KRT82: variants seen among roughly 807,000 people sequenced by gnomAD.
KRT82 encodes keratin, type II cuticular Hb2.
A neutral mutation model predicts 48.0 loss-of-function variants in KRT82; 44 were observed. That is an observed-to-expected ratio of 0.92 (90% confidence interval 0.72 to 1.18). The LOEUF is 1.18. KRT82 is among the 50% of genes most tolerant of loss of function. The pLI, the probability that KRT82 is intolerant of heterozygous loss-of-function variation, is 0.00. For missense variants in KRT82, 701 were observed against 671.4 expected, an observed-to-expected ratio of 1.04 and a Z score of -0.49; for synonymous variants, 297 against 278.3, an observed-to-expected ratio of 1.07 and a Z score of -0.67.
rs1184115494 is a variant in KRT82 at position 52,396,920 on chromosome 12, T to A, written c.1031A>T (p.Gln344Leu). 1 of 1,614,058 alleles carries A rather than the reference T, an allele frequency of 6.2e-7. No homozygotes were observed. Among genetic ancestry groups the A allele is most frequent in the Non-Finnish European group, 8.5e-7 (1 of 1,180,036 alleles). ...NEILEMNKLIQRLQQETENVK... is the reference protein window; with the variant it reads ...NEILEMNKLILRLQQETENVK... ...ATTCTCGGTTTCTTGCTGCAGCCGC[T>A]GGATCAGTTTATTCATTTCCAGGAT... is the stretch of plus-strand genomic sequence containing the variant. The change falls in exon 6 of 9, where the codon CAG becomes CTG. Residue 344 changes from glutamine to leucine, a missense_variant. Transcript: ENST00000257974.
intron 6 of KRT82, 129 bp from the exon 7 acceptor site, chr12:52,396,361 C>A (rs926717587): frequency 1.2e-6 from 1 of 817,462 alleles, no homozygotes; most frequent in African/African-American, 1.7e-5. Flanking sequence ...CCTAGGATTG[C>A]GACATCTGGT....
At chr12:52,398,851 GCCTCAAGCTACC>G (rs1939749420) in intron 5 of KRT82, among the ~76,000 whole-genome samples, 2 of 152,010 alleles carry the variant, frequency 1.3e-5, no homozygotes, top group Admixed American at 1.3e-4. Context: ...CTGTGACCTG[GCCTCAAGCTACC>G]CCTCCAGCCC....
intron 4 of KRT82, 22 bp downstream of exon 4, chr12:52,400,505 C>T (rs1939774105): frequency 1.9e-6 from 3 of 1,587,860 alleles, no homozygotes; most frequent in South Asian, 1.1e-5. Context: ...GACTAACCAC[C>T]CAAGGTCAGG....
intron 1 of KRT82, among the ~76,000 whole-genome samples, chr12:52,404,940 A>G (rs1446153412): frequency 1.3e-5 from 2 of 152,154 alleles, no homozygotes; most frequent in Non-Finnish European, 2.9e-5. Flanking sequence ...CGGGTGTAGG[A>G]GTAGAGTCAA....
chr12:52,398,464 T>C (rs554937103), intron 5 of KRT82, among the ~76,000 whole-genome samples: 3 of 151,462 alleles, frequency 2.0e-5, no homozygotes, highest in Non-Finnish European at 4.4e-5. Context: ...TAGAAAAAAG[T>C]AAAAATTCAA....
At chr12:52,395,344 A>G (rs913422543) in intron 8 of KRT82, 149 bp from the exon 9 acceptor site, 48 of 657,870 alleles carry the variant, frequency 7.3e-5, no homozygotes, top group East Asian at 3.6e-4. Flanking sequence ...CGCGTCTCCC[A>G]CCCTAGCCAC....
chr12:52,395,893 T>C, intron 7 of KRT82, 103 bp from the exon 8 acceptor site: 3 of 1,479,350 alleles, frequency 2.0e-6, no homozygotes, highest in Non-Finnish European at 2.7e-6. Context: ...TGTGCTGCTG[T>C]GGGTTTTCAA....
chr12:52,402,911 C>A (rs78995231), intron 2 of KRT82, among the ~76,000 whole-genome samples: 4,669 of 152,310 alleles, frequency 0.031, 86 homozygotes, highest in South Asian at 0.065. Flanking sequence ...ACATGCACTC[C>A]CATAGGACAC....
chr12:52,395,867 C>A, intron 7 of KRT82, 77 bp from the exon 8 acceptor site: 1 of 1,470,984 alleles, frequency 6.8e-7, no homozygotes, highest in Non-Finnish European at 9.3e-7. Flanking sequence ...CCCGCTCCCG[C>A]CCTCATTGTG....
chr12:52,395,071 G>T lies in KRT82; in HGVS notation c.1446C>A (p.Val482=). Residue 482 remains valine, a synonymous_variant, in exon 9 of 9, where the codon GTC becomes GTA. Transcript: ENST00000257974. Reference sequence around the variant, plus strand: ...TCAGTAGCCCCTGGGGCTCGCAGGGGACATAGAGTTCACCAGTGCCCACGA... The same window carrying T: ...TCAGTAGCCCCTGGGGCTCGCAGGGTACATAGAGTTCACCAGTGCCCACGA... The part of the protein sequence containing the change: ...CSIVGTGELY[V]PCEPQGLLSC... 1.2e-6 allele frequency: 2 copies of T among 1,614,032 alleles called. No homozygotes were observed. Among genetic ancestry groups the T allele is most frequent in the South Asian group, 2.2e-5 (2 of 91,068 alleles).
At chr12:52,398,789 C>T (rs1592153400) in intron 5 of KRT82, among the ~76,000 whole-genome samples, 3 of 152,268 alleles carry the variant, frequency 2.0e-5, no homozygotes, top group African/African-American at 7.2e-5. Context: ...TGGGCAGTGG[C>T]ACCCACTGCC....
In KRT82 at chr12:52,406,322, C is replaced by T. The variant is rs1482034174; in HGVS notation, c.-45G>A. The T allele has an allele frequency of 1.5e-5, 23 of 1,510,758 alleles. No homozygotes were observed. Among genetic ancestry groups the T allele is most frequent in the East Asian group, 4.6e-5 (2 of 43,454 alleles). 93.6% of individuals were successfully genotyped at this position (1,510,758 alleles called of 1,614,324 possible). A position where few individuals can be genotyped will look rare whatever the true frequency, so the allele number is the denominator to read the frequency against. On this transcript the variant is annotated 5_prime_UTR_variant, in exon 1 of 9. Transcript: ENST00000257974. ...GAAATGCGGCCCTGGAGGAAAGAAC[C>T]GGGGCAGGATGATCAAGTCAGGCTC...
chr12:52,398,481 C>CT (rs57713227), intron 5 of KRT82, among the ~76,000 whole-genome samples: 7,454 of 141,316 alleles, frequency 0.053, 554 homozygotes, highest in African/African-American at 0.17. Flanking sequence ...TCAATTTTAA[C>CT]TTTTTTTTTT....
In KRT82 at chr12:52,395,920, A is replaced by G. The variant is rs1437745190; in HGVS notation, c.1289+92T>C. 9 of 1,553,816 alleles carry G rather than the reference A, an allele frequency of 5.8e-6. No homozygotes were observed. The African/African-American group carries it at 1.2e-4, about 21-fold the overall frequency. On this transcript the variant is annotated intron_variant, in intron 7 of 8. Coordinates refer to ENST00000257974, the MANE Select transcript of KRT82 (RefSeq NM_033033.4). ...GGTTTTCAATGAATGTGGGTAGGGG[A>G]CGGGGTGAGAGATACTAGCAGCCGC...
At position 52,395,935 on chromosome 12, in the gene KRT82, C is replaced by G. The variant is rs1245983889; in HGVS notation, c.1289+77G>C. On this transcript the variant is annotated intron_variant, in intron 7 of 8. Transcript: ENST00000257974. Reference sequence around the variant, plus strand: ...TGGGTAGGGGACGGGGTGAGAGATACTAGCAGCCGCCACCAGAGGGCTGGG... The same window carrying G: ...TGGGTAGGGGACGGGGTGAGAGATAGTAGCAGCCGCCACCAGAGGGCTGGG... 5.7e-6 allele frequency: 9 copies of G among 1,586,162 alleles called. No individual in the cohort carries two copies. The Admixed American group carries it at 1.5e-4, about 27-fold the overall frequency.
At chr12:52,396,825 A>G (rs1939721787) in intron 6 of KRT82, 58 bp downstream of exon 6, 3 of 1,605,296 alleles carry the variant, frequency 1.9e-6, no homozygotes, top group East Asian at 2.2e-5. Flanking sequence ...TGCACGGCAC[A>G]GACTGGCCAG....
At position 52,394,841 on chromosome 12, in the gene KRT82, G is replaced by T; in HGVS notation, c.*134C>A. On this transcript the variant is annotated 3_prime_UTR_variant, in exon 9 of 9. Coordinates refer to ENST00000257974, the MANE Select transcript of KRT82 (RefSeq NM_033033.4). ...TAGGGGCAGCTCAGCTCTCAAGGAG[G>T]GAACACTGGAGGGGAATGTGGAGTC... 2 of 765,632 alleles carry T rather than the reference G, an allele frequency of 2.6e-6. No individual in the cohort carries two copies. The highest frequency in any genetic ancestry group is 2.2e-6 in the Non-Finnish European group (1 of 456,770). 47.4% of individuals were successfully genotyped at this position (765,632 alleles called of 1,614,324 possible).
Position 52,394,751 on chromosome 12 carries a change from T to C in KRT82, c.*224A>G. 1 of 591,766 alleles carries C rather than the reference T, an allele frequency of 1.7e-6. No individual in the cohort carries two copies. The highest frequency in any genetic ancestry group is 4.5e-4 in the Middle Eastern group (1 of 2,222). 36.7% of individuals were successfully genotyped at this position (591,766 alleles called of 1,614,324 possible). On this transcript the variant is annotated 3_prime_UTR_variant, in exon 9 of 9. Coordinates refer to ENST00000257974, the MANE Select transcript of KRT82 (RefSeq NM_033033.4). ...TTCTCTGCCGTCTGTCCCCACCATC[T>C]GGGCCTAGCTGAGGGTCTGCACACA...
In KRT82 at chr12:52,395,196, C is replaced by A. The variant is rs775164747; in HGVS notation, c.1322-1G>T. On this transcript the variant is annotated splice_acceptor_variant, in intron 8 of 8. Coordinates refer to ENST00000257974, the MANE Select transcript of KRT82 (RefSeq NM_033033.4). LOFTEE classifies it high-confidence loss of function. ...AAGGCGCCTTTGGAGCTGCTCACTG[C>A]TGTGGGAACAGGAAGGGGTGCTCAG... 1.2e-6 allele frequency: 2 copies of A among 1,613,074 alleles called. No individual in the cohort carries two copies. Among genetic ancestry groups the A allele is most frequent in the Non-Finnish European group, 8.5e-7 (1 of 1,179,584 alleles).
Sources: gnomAD v4.1 joint callset for allele counts (sites outside exome capture counted in the v4.1 genomes callset) on GRCh38, gnomAD v4.1.1 for gene constraint, MANE v1.5 for transcripts, NCBI Gene and HGNC (gene_info 2026-07-23, HGNC 2026-07-21) for gene names.